The following WDSUB1 variants were observed in gnomAD, a reference collection of about 807,000 sequenced individuals.
WDSUB1 encodes the protein WD repeat, SAM and U-box domain-containing protein 1.
A neutral mutation model predicts 53.9 loss-of-function variants in WDSUB1; 49 were observed. That is an observed-to-expected ratio of 0.91 (90% CI 0.72 to 1.15). The LOEUF (loss-of-function observed/expected upper bound fraction) is 1.15, where lower values mean the gene tolerates loss of function less well. Among genes scored for constraint, WDSUB1 ranks in the 50% most tolerant of loss-of-function variants. The probability of loss-of-function intolerance (pLI) is 0.00; values close to 1 mark genes in which losing one functional copy is unlikely to be tolerated. For synonymous variants in WDSUB1, 194 were observed against 200.6 expected (o/e 0.97, Z 0.28); for missense variants, 514 against 562.0 (o/e 0.91, Z 0.86).
intron 5 of WDSUB1, among the ~76,000 whole-genome samples, chr2:159,266,197 C>CT (rs887209620): frequency 1.4e-4 from 21 of 151,138 alleles, no homozygotes; most frequent in East Asian, 1.9e-4. Context: ...AGGAACCTTA[C>CT]TTTTTTTTTG....
chr2:159,254,337 G>A (rs1483898805), intron 9 of WDSUB1, among the ~76,000 whole-genome samples: 1 of 152,066 alleles, frequency 6.6e-6, no homozygotes, highest in Non-Finnish European at 1.5e-5. Context: ...AGCTGGGAGG[G>A]TCACTTAAGG....
chr2:159,264,745 A>G (rs187175064), intron 5 of WDSUB1, among the ~76,000 whole-genome samples: 45 of 152,178 alleles, frequency 3.0e-4, no homozygotes, highest in African/African-American at 9.6e-4. Flanking sequence ...ATCAAAAGTC[A>G]TGTTACCCAG....
intron 9 of WDSUB1, among the ~76,000 whole-genome samples, chr2:159,251,695 C>A (rs1003143162): frequency 7.9e-5 from 12 of 152,196 alleles, no homozygotes; most frequent in South Asian, 4.1e-4. Context: ...GAAAAGACAT[C>A]TTGATGACAA....
Position 159,236,112 on chromosome 2 carries a change from AC to A in WDSUB1, c.1351del (p.Val451PhefsTer13), listed in dbSNP as rs751822216. 3 of 1,614,126 alleles carry A rather than the reference AC, an allele frequency of 1.9e-6. No homozygotes were observed. Among genetic ancestry groups the A allele is most frequent in the Non-Finnish European group, 2.5e-6 (3 of 1,179,996 alleles). On this transcript the variant is annotated frameshift_variant, in exon 11 of 11. Coordinates refer to ENST00000359774, the MANE Select transcript of WDSUB1 (RefSeq NM_001128212.3). LOFTEE classifies it high-confidence loss of function. The stretch of plus-strand genomic sequence containing the variant: ...TGGTGTAAGTACCGCTGAAGGAAGA[AC>A]AAGATTTGTCATGGGACTTGTACGT... ...KKRTSPMTNLVLPSAVLTPNR... is the reference protein window; with the variant it reads ...KKRTSPMTNLXLPSAVLTPNR...
intron 10 of WDSUB1, among the ~76,000 whole-genome samples, chr2:159,241,996 C>T (rs1437714164): frequency 6.8e-6 from 1 of 147,434 alleles, no homozygotes; most frequent in Non-Finnish European, 1.5e-5. Flanking sequence ...AATACACTGA[C>T]AAATGGTGTT....
chr2:159,246,046 A>AAGAT (rs1405943386), intron 10 of WDSUB1, among the ~76,000 whole-genome samples: 1 of 152,218 alleles, frequency 6.6e-6, no homozygotes, highest in Non-Finnish European at 1.5e-5. Context: ...AAAAAACTTG[A>AAGAT]AGATATAAAT....
chr2:159,278,214 C>A (rs1302856093), intron 3 of WDSUB1, among the ~76,000 whole-genome samples: 1 of 152,146 alleles, frequency 6.6e-6, no homozygotes, highest in Admixed American at 6.5e-5. Flanking sequence ...TTGTTTGTTA[C>A]AAGCTGTTCT....
chr2:159,258,761 T>C (rs2061125130), intron 6 of WDSUB1, among the ~76,000 whole-genome samples: 1 of 152,136 alleles, frequency 6.6e-6, no homozygotes, highest in Admixed American at 6.5e-5. Context: ...ACAGAGACAA[T>C]TTAGTGTTAT....
intron 9 of WDSUB1, among the ~76,000 whole-genome samples, chr2:159,249,911 CAA>C (rs370000755): frequency 1.5e-5 from 2 of 131,078 alleles, no homozygotes. Flanking sequence ...ATTAAAAATA[CAA>C]AAAAAAAAAA....
intron 10 of WDSUB1, among the ~76,000 whole-genome samples, chr2:159,238,240 C>T (rs2060540219): frequency 6.6e-6 from 1 of 151,666 alleles, no homozygotes; most frequent in African/African-American, 2.4e-5. Flanking sequence ...CAATTTCTCC[C>T]TTGATTCCCA....
intron 10 of WDSUB1, among the ~76,000 whole-genome samples, chr2:159,244,935 A>C (rs13008526): frequency 0.35 from 53,462 of 152,048 alleles, 12,381 homozygotes; most frequent in Non-Finnish European, 0.54. Context: ...ATCTCTAAAA[A>C]GTAAAAATTT....
rs548179925 is a variant in WDSUB1 at position 159,236,192 on chromosome 2, TA to T, written c.1274-3del. ...CTTCCTTTTCATATGAATAGCCATCTAAAAAAAAAAAATCACACAAATTACA... is the reference window on the plus strand; with the variant it reads ...CTTCCTTTTCATATGAATAGCCATCTAAAAAAAAAAATCACACAAATTACA... On this transcript the variant is annotated splice_polypyrimidine_tract_variant and splice_region_variant and intron_variant, in intron 10 of 10. Coordinates refer to ENST00000359774, the MANE Select transcript of WDSUB1 (RefSeq NM_001128212.3). 97,456 of 944,742 alleles carry T rather than the reference TA, an allele frequency of 0.1. 16 individuals are homozygous for T. Among genetic ancestry groups the T allele is most frequent in the East Asian group, 0.14 (3,374 of 24,112 alleles). 58.5% of individuals were successfully genotyped at this position (944,742 alleles called of 1,614,324 possible).
At chr2:159,286,374 C>T (rs1269397315) in intron 1 of WDSUB1, 1 of 152,552 alleles carries the variant, frequency 6.6e-6, no homozygotes, top group Non-Finnish European at 1.5e-5. Flanking sequence ...AAGGGGCTTC[C>T]TTCCACCCGA....
rs920890741 is a variant in WDSUB1 at position 159,275,646 on chromosome 2, T to G, written c.584-8A>C. ...GAAGACCTTGTTCTCCATCTAAAAT[T>G]TATTAAAAATAAATACAGAGAATTT... On this transcript the variant is annotated splice_region_variant and splice_polypyrimidine_tract_variant and intron_variant, in intron 3 of 10. Coordinates refer to ENST00000359774, the MANE Select transcript of WDSUB1 (RefSeq NM_001128212.3). 4 of 1,586,932 alleles carry G rather than the reference T, an allele frequency of 2.5e-6. No homozygotes were observed. Among genetic ancestry groups the G allele is most frequent in the African/African-American group, 1.4e-5 (1 of 72,750 alleles).
intron 5 of WDSUB1, among the ~76,000 whole-genome samples, chr2:159,267,755 CT>C (rs1243811856): frequency 6.6e-6 from 1 of 152,102 alleles, no homozygotes; most frequent in Admixed American, 6.6e-5. Context: ...TTATCATTGA[CT>C]TTTAGTCACA....
At chr2:159,281,585 T>A (rs1200217997) in intron 2 of WDSUB1, among the ~76,000 whole-genome samples, 1 of 152,142 alleles carries the variant, frequency 6.6e-6, no homozygotes, top group Non-Finnish European at 1.5e-5. Context: ...AGGCATGAGG[T>A]TCCTTCTTCT....
chr2:159,279,726 G>T (rs769656392), intron 3 of WDSUB1, 35 bp downstream of exon 3: 4 of 1,551,140 alleles, frequency 2.6e-6, no homozygotes, highest in African/African-American at 2.8e-5. Flanking sequence ...TTACAAATAG[G>T]AATTTCTAGT....
intron 10 of WDSUB1, among the ~76,000 whole-genome samples, chr2:159,246,527 T>C (rs1452373047): frequency 1.3e-5 from 2 of 151,820 alleles, no homozygotes; most frequent in African/African-American, 4.8e-5. Flanking sequence ...GGAGAGGATG[T>C]GGAGAAACTG....
At chr2:159,241,678 A>G (rs1413811321) in intron 10 of WDSUB1, among the ~76,000 whole-genome samples, 2 of 147,444 alleles carry the variant, frequency 1.4e-5, no homozygotes, top group African/African-American at 2.6e-5. Flanking sequence ...AATGTATACA[A>G]ATGTACCTGT....
Sources: allele counts gnomAD v4.1 joint callset (sites outside exome capture counted in the v4.1 genomes callset), GRCh38; gene constraint gnomAD v4.1.1; transcripts MANE v1.5; gene names NCBI Gene and HGNC (gene_info 2026-07-23, HGNC 2026-07-21).